CELF1: variants seen among roughly 807,000 people sequenced by gnomAD.
CELF1 encodes 50 kDa nuclear polyadenylated RNA-binding protein.
Under a neutral mutation model 61.8 loss-of-function variants are expected in CELF1, and 10 were observed. That is an observed-to-expected ratio of 0.16 (90% CI 0.10 to 0.27). The LOEUF (loss-of-function observed/expected upper bound fraction) is 0.27, where lower values mean the gene tolerates loss of function less well. CELF1 is among the 10% of genes least tolerant of loss of function. The probability of loss-of-function intolerance (pLI) is 1.00; values close to 1 mark genes in which losing one functional copy is unlikely to be tolerated. For synonymous variants in CELF1, 236 were observed against 225.1 expected (o/e 1.05, Z -0.43); for missense variants, 380 against 639.1 (o/e 0.59, Z 4.37).
chr11:47,468,480 C>T lies in CELF1; in HGVS notation c.*3750G>A, dbSNP rs113708740. 67 of 152,584 alleles carry T rather than the reference C, an allele frequency of 4.4e-4. No individual in the cohort carries two copies. The highest frequency in any genetic ancestry group is 2.2e-4 in the African/African-American group (9 of 41,512). 9.5% of individuals were successfully genotyped at this position (152,584 alleles called of 1,614,324 possible). ...CACACAGAGAAACAAAGCCTAGAAA[C>T]GGACTGGCTGTGTGTTCACAGAAAT... On this transcript the variant is annotated 3_prime_UTR_variant, in exon 15 of 15. Transcript: ENST00000687097.
intron 1 of CELF1, among the ~76,000 whole-genome samples, chr11:47,549,854 T>C (rs1247209533): frequency 1.3e-5 from 2 of 151,714 alleles, no homozygotes; most frequent in Non-Finnish European, 2.9e-5. Flanking sequence ...TCTTGCCTTG[T>C]TGCCCAGGCT....
At chr11:47,528,148 T>C (rs956880858) in intron 1 of CELF1, among the ~76,000 whole-genome samples, 2 of 146,950 alleles carry the variant, frequency 1.4e-5, no homozygotes, top group East Asian at 4.0e-4. Context: ...ACCACAGTTG[T>C]GTACATGAAA....
chr11:47,482,013 G>C (rs2083532196), intron 9 of CELF1, among the ~76,000 whole-genome samples: 1 of 152,108 alleles, frequency 6.6e-6, no homozygotes, highest in African/African-American at 2.4e-5. Context: ...GACCAGCCTG[G>C]CCAACACAGT....
At chr11:47,513,720 G>A (rs566505419) in intron 1 of CELF1, 2 of 150,918 alleles carry the variant, frequency 1.3e-5, no homozygotes, top group South Asian at 2.1e-4. Context: ...CTCCCAAAGT[G>A]CTAGGATTAC....
chr11:47,478,015 G>A (rs2081043887), intron 10 of CELF1, among the ~76,000 whole-genome samples: 1 of 152,052 alleles, frequency 6.6e-6, no homozygotes, highest in Admixed American at 6.6e-5. Context: ...GAAAGGGGAA[G>A]AAGGAATCTA....
intron 1 of CELF1, among the ~76,000 whole-genome samples, chr11:47,552,117 T>C (rs1465884100): frequency 1.3e-5 from 2 of 152,194 alleles, no homozygotes; most frequent in African/African-American, 4.8e-5. Context: ...AAAACTGTTA[T>C]ACAGCCTTTT....
At chr11:47,522,724 G>A (rs554778638) in intron 1 of CELF1, among the ~76,000 whole-genome samples, 96 of 151,704 alleles carry the variant, frequency 6.3e-4, no homozygotes, top group African/African-American at 2.1e-3. Context: ...CTACTCAGAG[G>A]CTGAGGCAGG....
chr11:47,470,544 AC>A lies in CELF1; in HGVS notation c.*1685del, dbSNP rs929219891. On this transcript the variant is annotated 3_prime_UTR_variant, in exon 15 of 15. Coordinates refer to ENST00000687097, the MANE Select transcript of CELF1 (RefSeq NM_001376376.1). Reference sequence around the variant, plus strand: ...CCCAGCTTCAATGGGATAATCCAACACCACCAGCTACCTGTACAACAGTAAG... The same window carrying A: ...CCCAGCTTCAATGGGATAATCCAACACACCAGCTACCTGTACAACAGTAAG... The A allele has an allele frequency of 9.2e-5, 14 of 152,212 alleles. No individual in the cohort carries two copies. Among genetic ancestry groups the A allele is most frequent in the African/African-American group, 2.9e-4 (12 of 41,450 alleles). 9.4% of individuals were successfully genotyped at this position (152,212 alleles called of 1,614,324 possible). A position where few individuals can be genotyped will look rare whatever the true frequency, so the allele number is the denominator to read the frequency against.
intron 1 of CELF1, among the ~76,000 whole-genome samples, chr11:47,548,536 T>C (rs1292851862): frequency 1.3e-5 from 2 of 151,724 alleles, no homozygotes; most frequent in African/African-American, 2.4e-5. Flanking sequence ...TGGGAGAAAA[T>C]ATCTGCAAAT....
chr11:47,528,908 T>C (rs138558282), intron 1 of CELF1, among the ~76,000 whole-genome samples: 1 of 149,322 alleles, frequency 6.7e-6, no homozygotes, highest in East Asian at 2.0e-4. Context: ...AAAAGAAAGG[T>C]AAAGCTTCCA....
intron 9 of CELF1, among the ~76,000 whole-genome samples, chr11:47,482,102 T>C (rs1374626285): frequency 1.3e-5 from 2 of 151,984 alleles, no homozygotes; most frequent in Admixed American, 6.6e-5. Context: ...ACTTGGGAAG[T>C]TGAGGCAGGA....
At chr11:47,527,258 G>A (rs868301373) in intron 1 of CELF1, among the ~76,000 whole-genome samples, 1 of 152,078 alleles carries the variant, frequency 6.6e-6, no homozygotes, top group Non-Finnish European at 1.5e-5. Flanking sequence ...GGACATGGTG[G>A]CACGTGCCTG....
rs530410346 is a variant in CELF1, at chr11:47,489,932, C to CTTTTTTTTTTTTTTTTTTT, written c.72-909_72-908insAAAAAAAAAAAAAAAAAAA. On this transcript the variant is annotated intron_variant, in intron 3 of 14. Transcript: ENST00000687097. The stretch of plus-strand genomic sequence containing the variant: ...GATGTTTCCACTCAGAACATACCAT[C>CTTTTTTTTTTTTTTTTTTT]TTGTTTTTTTTTTTTTTTTTTTTGA... 1.1e-3 allele frequency among the ~76,000 whole-genome samples: 26 copies of CTTTTTTTTTTTTTTTTTTT among 23,422 alleles called. 1 individual carries two copies. The highest frequency in any genetic ancestry group is 2.3e-3 in the East Asian group (3 of 1,292). 15.4% of individuals were successfully genotyped at this position (23,422 alleles called of 152,430 possible). A position where few individuals can be genotyped will look rare whatever the true frequency, so the allele number is the denominator to read the frequency against.
At chr11:47,501,089 C>CA (rs1366710035) in intron 1 of CELF1, among the ~76,000 whole-genome samples, 157 bp from the exon 2 acceptor site, 3 of 152,222 alleles carry the variant, frequency 2.0e-5, no homozygotes, top group African/African-American at 7.2e-5. Flanking sequence ...TGAAAACTGT[C>CA]TCTTCTGTCC....
intron 3 of CELF1, among the ~76,000 whole-genome samples, chr11:47,491,034 G>T (rs2091204430): frequency 6.6e-6 from 1 of 151,232 alleles, no homozygotes; most frequent in Admixed American, 6.6e-5. Context: ...GCTAATTTTT[G>T]TATTTTTAGT....
chr11:47,501,716 G>A (rs1048488435), intron 1 of CELF1, among the ~76,000 whole-genome samples: 2 of 151,962 alleles, frequency 1.3e-5, no homozygotes, highest in African/African-American at 4.8e-5. Context: ...CCAGCTACTC[G>A]GGAGGCTAAG....
chr11:47,498,997 T>C (rs1230100937), intron 3 of CELF1, among the ~76,000 whole-genome samples: 2 of 152,284 alleles, frequency 1.3e-5, no homozygotes, highest in East Asian at 1.9e-4. Flanking sequence ...TTGTAGATGA[T>C]ACTAAACACA....
rs549002905 is a variant in CELF1 at position 47,548,858 on chromosome 11, T to G, written c.-154+4134A>C. On this transcript the variant is annotated intron_variant, in intron 1 of 14. Transcript: ENST00000687097. ...TCCAGCCTGGGCAACAGAGCAAGAC[T>G]CCATCTCAAAAAAAAAAAAAAAAAA... 1.4e-4 allele frequency among the ~76,000 whole-genome samples: 15 copies of G among 104,570 alleles called. 1 individual carries two copies. The South Asian group carries it at 5.2e-3, about 36-fold the overall frequency. The allele number at this position is 104,570 out of a possible 152,430, so 68.6% of individuals were successfully genotyped here.
At chr11:47,480,592 C>T (rs1470003699) in intron 9 of CELF1, among the ~76,000 whole-genome samples, 1 of 152,154 alleles carries the variant, frequency 6.6e-6, no homozygotes. Flanking sequence ...GTTAACCTTC[C>T]CTAAAGGGGG....
Sources: allele counts gnomAD v4.1 joint callset (sites outside exome capture counted in the v4.1 genomes callset), GRCh38; gene constraint gnomAD v4.1.1; transcripts MANE v1.5; gene names NCBI Gene and HGNC (gene_info 2026-07-23, HGNC 2026-07-21).